DPYSL2: variants seen among roughly 807,000 people sequenced by gnomAD.
DPYSL2 encodes dihydropyrimidinase-related protein 2.
A neutral mutation model predicts 69.9 loss-of-function variants in DPYSL2; 13 were observed. The ratio of observed to expected loss-of-function variants is 0.19; its 90% confidence interval spans 0.12 to 0.30. DPYSL2 has a LOEUF of 0.30. Among genes scored for constraint, DPYSL2 ranks in the 10% least tolerant of loss-of-function variants. The pLI is 1.00. For missense variants in DPYSL2, 587 were observed against 918.9 expected, an observed-to-expected ratio of 0.64 and a Z score of 4.67; for synonymous variants, 326 against 359.1, an observed-to-expected ratio of 0.91 and a Z score of 1.04.
At chr8:26,604,834 G>A (rs1802075018) in intron 3 of DPYSL2, among the ~76,000 whole-genome samples, 1 of 151,744 alleles carries the variant, frequency 6.6e-6, no homozygotes, top group Non-Finnish European at 1.5e-5. Flanking sequence ...GCTAATTTTT[G>A]CATTTTTTTT....
At chr8:26,639,126 G>A (rs986463296) in intron 8 of DPYSL2, among the ~76,000 whole-genome samples, 2 of 152,178 alleles carry the variant, frequency 1.3e-5, no homozygotes, top group Admixed American at 6.6e-5. Context: ...TGACTCAAAC[G>A]TTATGAGAAG....
chr8:26,540,270 GA>G (rs35999354), intron 1 of DPYSL2, among the ~76,000 whole-genome samples: 53,246 of 150,976 alleles, frequency 0.35, 11,517 homozygotes, highest in East Asian at 0.67. Flanking sequence ...TCAAGCATAA[GA>G]AAAAAAAATC....
intron 8 of DPYSL2, among the ~76,000 whole-genome samples, chr8:26,636,092 C>T (rs1391866085): frequency 6.6e-6 from 1 of 152,232 alleles, no homozygotes; most frequent in Non-Finnish European, 1.5e-5. Context: ...GGGCCTCTGT[C>T]CTTAGGCTAC....
At chr8:26,544,314 C>T (rs945999851) in intron 1 of DPYSL2, among the ~76,000 whole-genome samples, 13 of 152,182 alleles carry the variant, frequency 8.5e-5, no homozygotes, top group African/African-American at 3.1e-4. Flanking sequence ...TCCTTCTCCT[C>T]CTTTCTCCCT....
chr8:26,577,897 T>C (rs767002465), intron 1 of DPYSL2: 81 of 1,135,978 alleles, frequency 7.1e-5, no homozygotes, highest in Non-Finnish European at 8.3e-5. Flanking sequence ...GGAAAGGGAG[T>C]GGCTGGCGGC....
At chr8:26,603,078 A>T (rs1802028685) in intron 3 of DPYSL2, among the ~76,000 whole-genome samples, 2 of 152,168 alleles carry the variant, frequency 1.3e-5, no homozygotes, top group African/African-American at 4.8e-5. Context: ...TGACCATAGG[A>T]TGTTTGAGTT....
rs557417940 is a variant in DPYSL2, at chr8:26,570,312, C to T, written c.355-11657C>T. 8.5e-5 allele frequency among the ~76,000 whole-genome samples: 13 copies of T among 152,168 alleles called. No individual in the cohort carries two copies. The South Asian group carries it at 1.9e-3, about 22-fold the overall frequency. ...AAAGAAAGAGATGGAGAATTGATTTCGGGAGAAGGGGAAACATCTAAGGAA... is the reference window on the plus strand; with the variant it reads ...AAAGAAAGAGATGGAGAATTGATTTTGGGAGAAGGGGAAACATCTAAGGAA... On this transcript the variant is annotated intron_variant, in intron 1 of 13. Coordinates refer to ENST00000521913, the MANE Select transcript of DPYSL2 (RefSeq NM_001197293.3).
chr8:26,637,114 G>C (rs1207822906), intron 8 of DPYSL2, among the ~76,000 whole-genome samples: 3 of 152,200 alleles, frequency 2.0e-5, no homozygotes, highest in Non-Finnish European at 1.5e-5. Context: ...ACTTTAGTCT[G>C]TTCCCTTCCA....
chr8:26,641,883 A>C lies in DPYSL2; in HGVS notation c.1127-1556A>C, dbSNP rs922079604. On this transcript the variant is annotated intron_variant, in intron 8 of 13. Transcript: ENST00000521913. This position sits in a 1 kb window ranked among gnomAD's most constrained non-coding sequence, Gnocchi z 4.1. Reference sequence around the variant, plus strand: ...CTGAGGCAGGAGGGGGCAGCTGTGCAGAGCCAGCTCTCAGAGTGGCCGACA... The same window carrying C: ...CTGAGGCAGGAGGGGGCAGCTGTGCCGAGCCAGCTCTCAGAGTGGCCGACA... 1.3e-5 allele frequency among the ~76,000 whole-genome samples: 2 copies of C among 152,226 alleles called. No individual in the cohort carries two copies. The highest frequency in any genetic ancestry group is 4.8e-5 in the African/African-American group (2 of 41,476).
At chr8:26,545,223 A>G (rs1800746217) in intron 1 of DPYSL2, among the ~76,000 whole-genome samples, 1 of 152,222 alleles carries the variant, frequency 6.6e-6, no homozygotes. Flanking sequence ...TTTCTCAGGC[A>G]CACACAAAAC....
intron 3 of DPYSL2, among the ~76,000 whole-genome samples, chr8:26,604,824 G>A (rs1255818013): frequency 1.3e-5 from 2 of 151,932 alleles, no homozygotes; most frequent in Non-Finnish European, 2.9e-5. Context: ...ACCACACCTG[G>A]CTAATTTTTG....
chr8:26,606,728 G>A (rs1802114384), intron 3 of DPYSL2, among the ~76,000 whole-genome samples: 1 of 152,126 alleles, frequency 6.6e-6, no homozygotes, highest in Non-Finnish European at 1.5e-5. Context: ...AAGGGGTTAA[G>A]TAAGCTGAAA....
chr8:26,528,052 G>A (rs1457655654), intron 1 of DPYSL2, among the ~76,000 whole-genome samples: 3 of 151,954 alleles, frequency 2.0e-5, no homozygotes, highest in Non-Finnish European at 2.9e-5. Flanking sequence ...GATTCTCCTC[G>A]ACCTCCCAAA....
Position 26,605,108 on chromosome 8 carries a change from A to G in DPYSL2, c.629-19035A>G, listed in dbSNP as rs11780026. The stretch of plus-strand genomic sequence containing the variant: ...ACCCAGTCACCTGAACTTCCATTTA[A>G]CATCAGGTCCCTGGCCATGGGACTT... On this transcript the variant is annotated intron_variant, in intron 3 of 13. Coordinates refer to ENST00000521913, the MANE Select transcript of DPYSL2 (RefSeq NM_001197293.3). This position sits in a 1 kb window ranked among gnomAD's most constrained non-coding sequence, Gnocchi z 4.1. Among the ~76,000 whole-genome samples, 30,895 of 151,970 alleles carry G rather than the reference A, an allele frequency of 0.2. 3,364 individuals carry two copies. Among genetic ancestry groups the G allele is most frequent in the African/African-American group, 0.27 (11,331 of 41,418 alleles).
chr8:26,535,739 T>G (rs1157832771), intron 1 of DPYSL2, among the ~76,000 whole-genome samples: 1 of 152,112 alleles, frequency 6.6e-6, no homozygotes, highest in Non-Finnish European at 1.5e-5. Flanking sequence ...ATTGTTAATT[T>G]GCTGACATTG....
intron 2 of DPYSL2, 122 bp from the exon 3 acceptor site, chr8:26,583,677 A>G (rs1801536292): frequency 6.9e-6 from 6 of 869,178 alleles, no homozygotes; most frequent in Admixed American, 5.9e-5. Context: ...AATCGTAACA[A>G]TGATCTGAAA....
intron 3 of DPYSL2, among the ~76,000 whole-genome samples, chr8:26,604,617 T>A (rs1259339911): frequency 6.6e-6 from 1 of 152,126 alleles, no homozygotes; most frequent in Non-Finnish European, 1.5e-5. Flanking sequence ...AAGTTGGACG[T>A]TAGCTATCTT....
chr8:26,613,014 T>C (rs557850182), intron 3 of DPYSL2, among the ~76,000 whole-genome samples: 1 of 152,330 alleles, frequency 6.6e-6, no homozygotes, highest in Admixed American at 6.5e-5. Flanking sequence ...AAAAACACTA[T>C]GTCTATGTGA....
intron 3 of DPYSL2, among the ~76,000 whole-genome samples, chr8:26,616,861 C>T (rs1460030963): frequency 1.3e-5 from 2 of 151,950 alleles, no homozygotes; most frequent in East Asian, 1.9e-4. Context: ...GAAGGCTCCT[C>T]ATCCTCCCTC....
Sources: allele counts gnomAD v4.1 joint callset (sites outside exome capture counted in the v4.1 genomes callset), GRCh38; gene constraint gnomAD v4.1.1; non-coding constraint Gnocchi (gnomAD v3.1); transcripts MANE v1.5; gene names NCBI Gene and HGNC (gene_info 2026-07-23, HGNC 2026-07-21).